The following SAMD13 variants were observed in gnomAD, a reference collection of about 807,000 sequenced individuals.
SAMD13 encodes the protein sterile alpha motif domain containing 13, also known as sterile alpha motif domain-containing protein 13.
Under a neutral mutation model 12.4 loss-of-function variants are expected in SAMD13, and 9 were observed. The observed-to-expected ratio is 0.72, with a 90% CI of 0.44 to 1.26. The LOEUF (loss-of-function observed/expected upper bound fraction) is 1.26, where lower values mean the gene tolerates loss of function less well. Ranked by LOEUF, SAMD13 falls within the 50% of genes most tolerant of loss-of-function variation. SAMD13 has a pLI of 0.00. For missense variants in SAMD13, 84 were observed against 119.6 expected, an observed-to-expected ratio of 0.70 and a Z score of 1.39; for synonymous variants, 46 against 45.4, an observed-to-expected ratio of 1.01 and a Z score of -0.05.
chr1:84,319,562 G>C (rs190540527), intron 2 of SAMD13, among the ~76,000 whole-genome samples: 1 of 151,372 alleles, frequency 6.6e-6, no homozygotes, highest in African/African-American at 2.4e-5. Context: ...TTGAACCCAG[G>C]AGGCAGAGGC....
intron 3 of SAMD13, among the ~76,000 whole-genome samples, chr1:84,338,557 C>A (rs1679353550): frequency 6.6e-6 from 1 of 151,438 alleles, no homozygotes. Flanking sequence ...CCTGCCTCAG[C>A]TTCCTCAGTA....
chr1:84,304,638 G>A (rs913706060), intron 2 of SAMD13, among the ~76,000 whole-genome samples: 5 of 151,718 alleles, frequency 3.3e-5, no homozygotes, highest in African/African-American at 9.7e-5. Flanking sequence ...ATTTCCTTAC[G>A]ACCTTTTGTA....
At chr1:84,337,493 C>T (rs1369638944) in intron 3 of SAMD13, among the ~76,000 whole-genome samples, 1 of 152,190 alleles carries the variant, frequency 6.6e-6, no homozygotes, top group African/African-American at 2.4e-5. Flanking sequence ...TACATTGGTC[C>T]CTTTCAGCCA....
chr1:84,301,245 C>T (rs1204647148), upstream of SAMD13, among the ~76,000 whole-genome samples: 1 of 152,144 alleles, frequency 6.6e-6, no homozygotes, highest in East Asian at 1.9e-4. Flanking sequence ...GGAACTTTGT[C>T]CATGAATCTC....
At chr1:84,314,760 A>G (rs1678792873) in intron 2 of SAMD13, among the ~76,000 whole-genome samples, 1 of 152,178 alleles carries the variant, frequency 6.6e-6, no homozygotes, top group African/African-American at 2.4e-5. Context: ...CTCCCAAGAC[A>G]TTGTAAGTGG....
At chr1:84,330,162 G>A (rs772215616) in intron 3 of SAMD13, among the ~76,000 whole-genome samples, 1 of 152,136 alleles carries the variant, frequency 6.6e-6, no homozygotes, top group Non-Finnish European at 1.5e-5. Context: ...CATGGTTAGT[G>A]GATGGTCCTG....
intron 3 of SAMD13, among the ~76,000 whole-genome samples, chr1:84,325,991 C>T (rs1438702037): frequency 1.3e-5 from 2 of 152,172 alleles, no homozygotes; most frequent in East Asian, 3.9e-4. Flanking sequence ...AGCTCATTTA[C>T]ATCTGTGTCC....
At chr1:84,300,381 T>G (rs143495345), upstream of SAMD13, among the ~76,000 whole-genome samples, 738 of 152,340 alleles carry the variant, frequency 4.8e-3, 9 homozygotes, top group African/African-American at 0.017. Context: ...ATATAATTCC[T>G]GGAATAAGTA....
upstream of SAMD13, chr1:84,299,508 C>A: frequency 1.1e-6 from 1 of 935,462 alleles, no homozygotes; most frequent in Non-Finnish European, 1.5e-6. Context: ...ACACACACCC[C>A]CACATACGTA....
At chr1:84,298,790 C>T (rs530287407), upstream of SAMD13, among the ~76,000 whole-genome samples, 78 of 152,202 alleles carry the variant, frequency 5.1e-4, 1 homozygote, top group African/African-American at 1.8e-3. Context: ...CACGGAGAGC[C>T]CCGGCTCGCC....
In SAMD13 at chr1:84,329,389, A is replaced by G. The variant is rs887223613; in HGVS notation, c.165+3641A>G. Among the ~76,000 whole-genome samples, 6 of 152,340 alleles carry G rather than the reference A, an allele frequency of 3.9e-5. No individual in the cohort carries two copies. The South Asian group carries it at 8.3e-4, about 21-fold the overall frequency. Reference sequence around the variant, plus strand: ...ATTGATGGCAAACATGTCCACCATCAGATGGCCTGACTTCCAGGACAGTAT... The same window carrying G: ...ATTGATGGCAAACATGTCCACCATCGGATGGCCTGACTTCCAGGACAGTAT... On this transcript the variant is annotated intron_variant, in intron 3 of 3. Coordinates refer to ENST00000394834, the MANE Select transcript of SAMD13 (RefSeq NM_001134663.2).
At chr1:84,309,420 CTG>C (rs1411181952) in intron 2 of SAMD13, among the ~76,000 whole-genome samples, 1 of 152,150 alleles carries the variant, frequency 6.6e-6, no homozygotes, top group Non-Finnish European at 1.5e-5. Flanking sequence ...ACCTAAATGA[CTG>C]TGATAAATGC....
At chr1:84,313,603 G>A (rs1007160363) in intron 2 of SAMD13, among the ~76,000 whole-genome samples, 2 of 152,088 alleles carry the variant, frequency 1.3e-5, no homozygotes, top group African/African-American at 4.8e-5. Context: ...CATGTAGTAA[G>A]TTCCTTTTCA....
chr1:84,320,087 G>A (rs932934113), intron 2 of SAMD13, among the ~76,000 whole-genome samples: 2 of 152,052 alleles, frequency 1.3e-5, no homozygotes, highest in African/African-American at 2.4e-5. Flanking sequence ...CGAGATTATC[G>A]TCTTCATTAG....
At chr1:84,328,202 C>G (rs968035351) in intron 3 of SAMD13, among the ~76,000 whole-genome samples, 1 of 152,164 alleles carries the variant, frequency 6.6e-6, no homozygotes, top group South Asian at 2.1e-4. Flanking sequence ...GGACTGCCAG[C>G]TCTGAGCCTG....
chr1:84,302,350 T>C (rs960328476), intron 1 of SAMD13, among the ~76,000 whole-genome samples: 38 of 151,824 alleles, frequency 2.5e-4, no homozygotes, highest in African/African-American at 8.9e-4. Context: ...TTTTTTTTTT[T>C]TTTTTCTTAA....
chr1:84,320,698 T>A lies in SAMD13; in HGVS notation c.54-4939T>A, dbSNP rs540188648. Among the ~76,000 whole-genome samples the A allele has an allele frequency of 4.6e-5, 7 of 152,350 alleles. 1 individual carries two copies. In the South Asian group the frequency reaches 1.4e-3, roughly 32 times the overall value. On this transcript the variant is annotated intron_variant, in intron 2 of 3. Transcript: ENST00000394834. ...TCATTTTGAAAATAAGTTATAAATATCTAGGCAGCACAAAGTTAGAGTGCA... is the reference window on the plus strand; with the variant it reads ...TCATTTTGAAAATAAGTTATAAATAACTAGGCAGCACAAAGTTAGAGTGCA...
At chr1:84,324,114 A>C (rs1679005973) in intron 2 of SAMD13, among the ~76,000 whole-genome samples, 2 of 152,144 alleles carry the variant, frequency 1.3e-5, no homozygotes, top group South Asian at 4.1e-4. Context: ...TTTTTCACAT[A>C]CACCACCCTA....
intron 2 of SAMD13, among the ~76,000 whole-genome samples, chr1:84,323,844 G>A (rs1356107586): frequency 6.6e-6 from 1 of 152,084 alleles, no homozygotes; most frequent in Non-Finnish European, 1.5e-5. Flanking sequence ...CAAGATTTCA[G>A]TTACTGTCTA....
Sources: gnomAD v4.1 joint callset for allele counts (sites outside exome capture counted in the v4.1 genomes callset) on GRCh38, gnomAD v4.1.1 for gene constraint, MANE v1.5 for transcripts, NCBI Gene and HGNC (gene_info 2026-07-23, HGNC 2026-07-21) for gene names.